Variants in USP34 observed in about 807,000 individuals in gnomAD.
USP34 encodes ubiquitin specific peptidase 34.
USP34 carries 70 observed loss-of-function variants against 460.3 expected under a neutral mutation model. The ratio of observed to expected loss-of-function variants is 0.15; its 90% CI spans 0.13 to 0.19. USP34 has a LOEUF of 0.19. Ranked by LOEUF, USP34 falls within the 10% of genes least tolerant of loss-of-function variation. USP34 has a pLI of 1.00. For missense variants in USP34, 3,985 were observed against 4,236.2 expected (o/e 0.94, Z 1.65); for synonymous variants, 1,647 against 1,405.3 (o/e 1.17, Z -3.85).
intron 57 of USP34, among the ~76,000 whole-genome samples, chr2:61,234,545 A>G (rs907619333): frequency 2.0e-5 from 3 of 152,178 alleles, no homozygotes; most frequent in Non-Finnish European, 4.4e-5. Flanking sequence ...GATGTTAAGC[A>G]TTTTCTAACA....
In USP34 at chr2:61,236,333, T is replaced by C. The variant is rs753531958; in HGVS notation, c.6834A>G (p.Thr2278=). 10 of 1,604,270 alleles carry C rather than the reference T, an allele frequency of 6.2e-6. No homozygotes were observed. The highest frequency in any genetic ancestry group is 5.4e-5 in the African/African-American group (4 of 74,402). Residue 2278 remains threonine, a synonymous_variant, in exon 54 of 80, where the codon ACA becomes ACG. Coordinates refer to ENST00000398571, the MANE Select transcript of USP34 (RefSeq NM_014709.4). The part of the protein sequence containing the change: ...FLQDKNIFEH[T]YFGFMWQLCS... ...AAATTTACCAAACTTACCCAAAATA[T>C]GTATGTTCAAAAATGTTTTTGTCTT...
intron 41 of USP34, among the ~76,000 whole-genome samples, chr2:61,268,545 C>T (rs1280339512): frequency 6.6e-6 from 1 of 150,914 alleles, no homozygotes; most frequent in Non-Finnish European, 1.5e-5. Flanking sequence ...GAGTAAAAGG[C>T]TCCTGAGTCC....
intron 5 of USP34, among the ~76,000 whole-genome samples, chr2:61,388,178 G>A (rs1282329268): frequency 6.6e-6 from 1 of 151,940 alleles, no homozygotes; most frequent in African/African-American, 2.4e-5. Context: ...AGGAAGTGGA[G>A]GTTGCAACGA....
intron 33 of USP34, among the ~76,000 whole-genome samples, chr2:61,290,754 A>G (rs1163773180): frequency 1.3e-5 from 2 of 152,172 alleles, no homozygotes; most frequent in Non-Finnish European, 1.5e-5. Context: ...AAATGAGTGC[A>G]TTATTTATTA....
chr2:61,324,904 G>C (rs1381830780), intron 21 of USP34, among the ~76,000 whole-genome samples: 1 of 152,104 alleles, frequency 6.6e-6, no homozygotes, highest in Non-Finnish European at 1.5e-5. Context: ...AATAATCACT[G>C]CAGCAGCCAT....
chr2:61,330,492 A>T (rs1309832740), intron 20 of USP34, among the ~76,000 whole-genome samples: 1 of 152,200 alleles, frequency 6.6e-6, no homozygotes, highest in African/African-American at 2.4e-5. Context: ...CATGCCTTAA[A>T]GGTCTATGAC....
chr2:61,204,188 T>C, intron 74 of USP34, 68 bp downstream of exon 74: 1 of 1,601,882 alleles, frequency 6.2e-7, no homozygotes, highest in Non-Finnish European at 8.5e-7. Context: ...TATTCATAAC[T>C]GCCAGGGGAA....
At chr2:61,458,252 A>C (rs1436926064) in intron 1 of USP34, among the ~76,000 whole-genome samples, 1 of 152,058 alleles carries the variant, frequency 6.6e-6, no homozygotes, top group Admixed American at 6.6e-5. Context: ...TTCAGTCAAA[A>C]CTTAAAAGCA....
intron 20 of USP34, among the ~76,000 whole-genome samples, chr2:61,331,059 C>T (rs3962110): frequency 0.069 from 10,565 of 152,084 alleles, 481 homozygotes; most frequent in Admixed American, 0.11. Context: ...AACCAACCCC[C>T]AAAAGTGAGC....
At chr2:61,353,523 C>G (rs1279706145) in intron 10 of USP34, among the ~76,000 whole-genome samples, 1 of 151,730 alleles carries the variant, frequency 6.6e-6, no homozygotes, top group Non-Finnish European at 1.5e-5. Context: ...TCCCAAGTAG[C>G]TGGGACCACA....
intron 49 of USP34, 52 bp downstream of exon 49, chr2:61,248,459 G>C (rs965523503): frequency 3.4e-6 from 5 of 1,486,244 alleles, no homozygotes; most frequent in Non-Finnish European, 3.6e-6. Flanking sequence ...TGCCTACCTT[G>C]TTATGGAGAT....
chr2:61,349,022 T>C (rs895676629), intron 13 of USP34, 136 bp from the exon 14 acceptor site: 69 of 1,124,496 alleles, frequency 6.1e-5, no homozygotes, highest in Non-Finnish European at 7.4e-5. Context: ...TCTCTAAATA[T>C]GTTAACATTT....
chr2:61,248,385 T>C, intron 49 of USP34, 126 bp downstream of exon 49: 1 of 926,236 alleles, frequency 1.1e-6, no homozygotes. Flanking sequence ...GACATTGTCT[T>C]AACCTTCTCC....
At chr2:61,234,576 G>A (rs549872084) in intron 57 of USP34, among the ~76,000 whole-genome samples, 3 of 152,286 alleles carry the variant, frequency 2.0e-5, no homozygotes, top group African/African-American at 4.8e-5. Context: ...GTAGTTAAGA[G>A]AGGGATGGAA....
intron 4 of USP34, 68 bp from the exon 5 acceptor site, chr2:61,395,070 G>A: frequency 1.4e-6 from 2 of 1,481,202 alleles, no homozygotes; most frequent in Non-Finnish European, 1.8e-6. Context: ...AGCAATACTG[G>A]AAAGATACTG....
chr2:61,391,263 T>C (rs1037570726), intron 5 of USP34, among the ~76,000 whole-genome samples: 1 of 152,074 alleles, frequency 6.6e-6, no homozygotes, highest in Non-Finnish European at 1.5e-5. Flanking sequence ...CTGGGGAACA[T>C]GGTGAAACAC....
At chr2:61,406,551 A>G (rs1422511841) in intron 2 of USP34, among the ~76,000 whole-genome samples, 1 of 152,100 alleles carries the variant, frequency 6.6e-6, no homozygotes, top group African/African-American at 2.4e-5. Context: ...AAACAGCCAC[A>G]TTTTTAGATT....
At chr2:61,259,918 A>T in intron 43 of USP34, 142 bp from the exon 44 acceptor site, 2 of 624,014 alleles carry the variant, frequency 3.2e-6, no homozygotes, top group South Asian at 4.8e-5. Context: ...AACACATTCA[A>T]TTCTTTAGTA....
At chr2:61,415,263 G>A (rs965433812) in intron 2 of USP34, among the ~76,000 whole-genome samples, 7 of 152,090 alleles carry the variant, frequency 4.6e-5, no homozygotes, top group Admixed American at 2.0e-4. Flanking sequence ...ATGACCAGGG[G>A]TGGGGGGATA....
Sources: gnomAD v4.1 joint callset for allele counts (sites outside exome capture counted in the v4.1 genomes callset) on GRCh38, gnomAD v4.1.1 for gene constraint, MANE v1.5 for transcripts, NCBI Gene and HGNC (gene_info 2026-07-23, HGNC 2026-07-21) for gene names.